The following ZNF609 variants were observed in gnomAD, a reference collection of about 807,000 sequenced individuals.
The protein encoded by ZNF609 is zinc finger protein 609.
ZNF609 carries 11 observed loss-of-function variants against 109.5 expected under a neutral mutation model. That is an observed-to-expected ratio of 0.10 (90% confidence interval 0.06 to 0.17). ZNF609 has a LOEUF of 0.17. Ranked by LOEUF, ZNF609 falls within the 10% of genes least tolerant of loss-of-function variation. ZNF609 has a pLI of 1.00. For synonymous variants in ZNF609, 646 were observed against 662.0 expected (o/e 0.98, Z 0.37); for missense variants, 1,559 against 1,772.4 (o/e 0.88, Z 2.16).
intron 1 of ZNF609, among the ~76,000 whole-genome samples, chr15:64,478,072 G>A (rs1276151414): frequency 5.9e-5 from 9 of 152,090 alleles, no homozygotes; most frequent in Non-Finnish European, 1.3e-4. Flanking sequence ...TATACCACCA[G>A]CTTGTGTAGT....
intron 2 of ZNF609, among the ~76,000 whole-genome samples, chr15:64,613,003 A>G (rs1317459598): frequency 6.6e-6 from 1 of 152,004 alleles, no homozygotes; most frequent in Non-Finnish European, 1.5e-5. Context: ...CAACAGAGTG[A>G]GACTCTGTCT....
At chr15:64,627,351 T>A (rs769317634) in intron 3 of ZNF609, among the ~76,000 whole-genome samples, 36 of 152,220 alleles carry the variant, frequency 2.4e-4, no homozygotes, top group Non-Finnish European at 4.1e-4. Flanking sequence ...TGTGGTATTT[T>A]AAAGAAAGGC....
chr15:64,678,059 T>A, intron 5 of ZNF609, 57 bp from the exon 6 acceptor site: 1 of 1,557,902 alleles, frequency 6.4e-7, no homozygotes, highest in East Asian at 2.2e-5. Flanking sequence ...ACCTTGGGCT[T>A]GAAGTATATC....
intron 2 of ZNF609, among the ~76,000 whole-genome samples, chr15:64,539,837 A>G (rs71394562): frequency 0.093 from 14,108 of 151,978 alleles, 2,013 homozygotes; most frequent in East Asian, 0.79. Flanking sequence ...GGGTTTCGCC[A>G]TGTTGGCCAG....
intron 2 of ZNF609, among the ~76,000 whole-genome samples, chr15:64,542,617 G>A (rs1441019091): frequency 1.3e-5 from 2 of 152,108 alleles, no homozygotes; most frequent in African/African-American, 2.4e-5. Context: ...GTGATATTCC[G>A]TATCTTGCTG....
At chr15:64,461,514 A>T (rs1349884524) in intron 1 of ZNF609, among the ~76,000 whole-genome samples, 3 of 152,088 alleles carry the variant, frequency 2.0e-5, no homozygotes, top group Non-Finnish European at 4.4e-5. Flanking sequence ...CGGTTGGATC[A>T]TCTCTGTGCT....
chr15:64,571,668 A>C (rs933385242), intron 2 of ZNF609, among the ~76,000 whole-genome samples: 1 of 151,960 alleles, frequency 6.6e-6, no homozygotes. Context: ...TATGTAGTTG[A>C]GTCTTTTTTT....
chr15:64,618,263 C>T (rs1448809319), intron 2 of ZNF609, among the ~76,000 whole-genome samples: 1 of 152,244 alleles, frequency 6.6e-6, no homozygotes, highest in Admixed American at 6.5e-5. Context: ...CCTTGTCCCC[C>T]TCACAGGGCG....
intron 3 of ZNF609, among the ~76,000 whole-genome samples, chr15:64,651,061 G>A (rs921142387): frequency 3.9e-5 from 6 of 152,080 alleles, no homozygotes; most frequent in Non-Finnish European, 8.8e-5. Flanking sequence ...ACTTTGTGAG[G>A]AGGGAATAAG....
At chr15:64,533,053 G>A (rs1894084566) in intron 2 of ZNF609, among the ~76,000 whole-genome samples, 1 of 151,738 alleles carries the variant, frequency 6.6e-6, no homozygotes, top group South Asian at 2.1e-4. Flanking sequence ...ATAAATAATT[G>A]CTGCTTTTTT....
chr15:64,537,383 C>A (rs993534088), intron 2 of ZNF609, among the ~76,000 whole-genome samples: 1 of 151,866 alleles, frequency 6.6e-6, no homozygotes, highest in Non-Finnish European at 1.5e-5. Flanking sequence ...TGCCTGTAAT[C>A]CCAGCTACTC....
chr15:64,658,304 TCTC>T (rs1270590499), intron 3 of ZNF609, among the ~76,000 whole-genome samples: 2 of 152,112 alleles, frequency 1.3e-5, no homozygotes, highest in African/African-American at 4.8e-5. Flanking sequence ...TTCAAGCAAT[TCTC>T]CTGTCTCAGC....
intron 1 of ZNF609, among the ~76,000 whole-genome samples, chr15:64,496,978 C>A (rs1893490997): frequency 6.6e-6 from 1 of 152,098 alleles, no homozygotes; most frequent in South Asian, 2.1e-4. Context: ...TCATACCCGG[C>A]TAATTTTTGT....
intron 2 of ZNF609, among the ~76,000 whole-genome samples, chr15:64,609,070 TTC>T (rs1491265949): frequency 6.8e-5 from 2 of 29,576 alleles, no homozygotes; most frequent in African/African-American, 1.7e-4. Flanking sequence ...TAATTTTTCT[TTC>T]TTTCTTTCTT....
chr15:64,544,859 G>A (rs1894329467), intron 2 of ZNF609, among the ~76,000 whole-genome samples: 2 of 152,196 alleles, frequency 1.3e-5, no homozygotes, highest in South Asian at 4.1e-4. Flanking sequence ...TGGATTCCAA[G>A]TCAGTGCTTT....
At chr15:64,552,844 A>T (rs1034333155) in intron 2 of ZNF609, among the ~76,000 whole-genome samples, 2 of 151,998 alleles carry the variant, frequency 1.3e-5, no homozygotes, top group Non-Finnish European at 2.9e-5. Flanking sequence ...ATGGGGTTTC[A>T]CTATGTTGAC....
chr15:64,490,803 G>C (rs1037730929), intron 1 of ZNF609, among the ~76,000 whole-genome samples: 1 of 152,168 alleles, frequency 6.6e-6, no homozygotes, highest in African/African-American at 2.4e-5. Flanking sequence ...CTGAACTTGA[G>C]CCCAGTTGAA....
intron 2 of ZNF609, among the ~76,000 whole-genome samples, chr15:64,532,098 C>T (rs1269440154): frequency 6.6e-6 from 1 of 152,272 alleles, no homozygotes; most frequent in East Asian, 1.9e-4. Context: ...TGAAATGCAG[C>T]TCCTCTTGCC....
intron 2 of ZNF609, chr15:64,500,638 C>CA: frequency 1.8e-6 from 1 of 558,020 alleles, no homozygotes; most frequent in Non-Finnish European, 3.2e-6. Flanking sequence ...TCTGGTAGAA[C>CA]AAAGGGCTAA....
Sources: gnomAD v4.1 joint callset for allele counts (sites outside exome capture counted in the v4.1 genomes callset) on GRCh38, gnomAD v4.1.1 for gene constraint, MANE v1.5 for transcripts, NCBI Gene and HGNC (gene_info 2026-07-23, HGNC 2026-07-21) for gene names.